The following CTBP1 variants were observed in gnomAD, a reference collection of about 807,000 sequenced individuals.
The protein encoded by CTBP1 is C-terminal-binding protein 1.
In CTBP1, 11 loss-of-function variants were observed where a neutral mutation model predicts 42.1. The ratio of observed to expected loss-of-function variants is 0.26; its 90% confidence interval spans 0.16 to 0.43. The LOEUF (loss-of-function observed/expected upper bound fraction) is 0.43, where lower values mean the gene tolerates loss of function less well. Among genes scored for constraint, CTBP1 ranks in the 20% least tolerant of loss-of-function variants. The probability of loss-of-function intolerance (pLI) is 1.00; values close to 1 mark genes in which losing one functional copy is unlikely to be tolerated. For missense variants in CTBP1, 399 were observed against 624.3 expected, an observed-to-expected ratio of 0.64 and a Z score of 3.85; for synonymous variants, 324 against 277.1, an observed-to-expected ratio of 1.17 and a Z score of -1.68.
intron 5 of CTBP1, chr4:1,218,077 T>A (rs1419264651): frequency 6.6e-6 from 1 of 152,066 alleles, no homozygotes; most frequent in Non-Finnish European, 1.5e-5. Context: ...GCAGATGGCA[T>A]CCAAACAGAA....
chr4:1,242,559 T>C, intron 1 of CTBP1: 2 of 985,320 alleles, frequency 2.0e-6, no homozygotes, highest in South Asian at 4.7e-5. Flanking sequence ...ATGCCGACCA[T>C]CTCCAGCTTC....
chr4:1,248,240 G>A (rs1189467445), intron 1 of CTBP1, among the ~76,000 whole-genome samples: 2 of 151,886 alleles, frequency 1.3e-5, no homozygotes, highest in African/African-American at 4.8e-5. Context: ...AGGTGGGGGC[G>A]CTGGGCCGGT....
chr4:1,224,047 C>T (rs948158254), intron 5 of CTBP1, among the ~76,000 whole-genome samples: 5 of 152,176 alleles, frequency 3.3e-5, no homozygotes, highest in Non-Finnish European at 7.4e-5. Flanking sequence ...CGGAGGAAGC[C>T]CACGGCTGCC....
chr4:1,250,302 C>T (rs1485454393), upstream of CTBP1: 1 of 245,950 alleles, frequency 4.1e-6, no homozygotes, highest in African/African-American at 2.2e-5. Flanking sequence ...GTGCCACGTT[C>T]TGTTCTAAGA....
At chr4:1,229,320 T>C (rs1730720673) in intron 3 of CTBP1, among the ~76,000 whole-genome samples, 1 of 152,182 alleles carries the variant, frequency 6.6e-6, no homozygotes, top group South Asian at 2.1e-4. Context: ...CACACGTCCA[T>C]CCCACACTCC....
chr4:1,224,367 T>C (rs538920184), intron 5 of CTBP1, among the ~76,000 whole-genome samples: 1 of 151,194 alleles, frequency 6.6e-6, no homozygotes, highest in South Asian at 2.1e-4. Context: ...TGTGCTGTGA[T>C]GTCCGTGTGA....
At position 1,211,965 on chromosome 4, in the gene CTBP1, G is replaced by A. The variant is rs1043403735; in HGVS notation, c.*275C>T. 6 of 302,312 alleles carry A rather than the reference G, an allele frequency of 2.0e-5. No homozygotes were observed. The highest frequency in any genetic ancestry group is 1.3e-4 in the African/African-American group (6 of 46,024). 18.7% of individuals were successfully genotyped at this position (302,312 alleles called of 1,614,324 possible). A position where few individuals can be genotyped will look rare whatever the true frequency, so the allele number is the denominator to read the frequency against. On this transcript the variant is annotated 3_prime_UTR_variant, in exon 10 of 10. Transcript: ENST00000382952. ...GCTAAGCAAACAGATCCTTTGTAAT[G>A]TTCTAAAAACTGTACACAGACAAGA...
intron 1 of CTBP1, chr4:1,245,359 C>T: frequency 2.0e-6 from 2 of 985,418 alleles, no homozygotes; most frequent in Non-Finnish European, 2.4e-6. Flanking sequence ...CTGTGAGCTC[C>T]AGGAACCCCC....
intron 2 of CTBP1, among the ~76,000 whole-genome samples, chr4:1,241,091 TG>T: frequency 6.6e-6 from 1 of 152,296 alleles, no homozygotes; most frequent in Admixed American, 6.5e-5. Context: ...AGACAGCAGA[TG>T]CCACGGACAG....
rs1177663055 is a variant in CTBP1 at position 1,249,090 on chromosome 4, T to G, written c.-363A>C. ...CGCCTGGCCGCCGCCGTGCCGAGTC[T>G]CCGCCGCGCCGCTGAGCCGCGCTCC... On this transcript the variant is annotated 5_prime_UTR_variant, in exon 1 of 10. Coordinates refer to ENST00000382952, the MANE Select transcript of CTBP1 (RefSeq NM_001012614.2). 3 of 251,536 alleles carry G rather than the reference T, an allele frequency of 1.2e-5. No homozygotes were observed. The highest frequency in any genetic ancestry group is 1.8e-5 in the Non-Finnish European group (3 of 163,732). The allele number at this position is 251,536 out of a possible 1,614,324, so 15.6% of individuals were successfully genotyped here. A position where few individuals can be genotyped will look rare whatever the true frequency, so the allele number is the denominator to read the frequency against.
chr4:1,219,306 C>T (rs1210600831), intron 5 of CTBP1, among the ~76,000 whole-genome samples: 4 of 152,142 alleles, frequency 2.6e-5, no homozygotes, highest in African/African-American at 7.2e-5. Context: ...GAGCCGTGAC[C>T]GCACCACCAC....
At chr4:1,225,189 C>T (rs1431832357) in intron 5 of CTBP1, among the ~76,000 whole-genome samples, 171 bp downstream of exon 5, 3 of 152,224 alleles carry the variant, frequency 2.0e-5, no homozygotes, top group Non-Finnish European at 2.9e-5. Context: ...GTAGGGCACA[C>T]GCCTGGGACT....
chr4:1,239,848 C>T (rs948929587), intron 2 of CTBP1, among the ~76,000 whole-genome samples: 1 of 152,254 alleles, frequency 6.6e-6, no homozygotes, highest in African/African-American at 2.4e-5. Context: ...AAACCGCGTC[C>T]TGGTTCGCCT....
rs1383902748 is a variant in CTBP1 at position 1,225,390 on chromosome 4, G to A, written c.484C>T (p.Arg162Cys). Residue 162 changes from arginine (R) to cysteine (C), a missense_variant, in exon 5 of 10, where the codon CGC becomes TGC. Transcript: ENST00000382952. ...REVASGAARI[R>C]GETLGIIGLG... The stretch of plus-strand genomic sequence containing the variant: ...CCGATGATGCCCAAGGTCTCCCCGC[G>A]GATCCTGGCAGCGCCGGACGCCACC... 1.0e-5 allele frequency: 16 copies of A among 1,567,168 alleles called. No individual in the cohort carries two copies. The highest frequency in any genetic ancestry group is 1.3e-5 in the Non-Finnish European group (15 of 1,161,098).
chr4:1,215,800 G>A (rs1019142230), intron 6 of CTBP1, 191 bp downstream of exon 6: 9 of 617,482 alleles, frequency 1.5e-5, no homozygotes, highest in Non-Finnish European at 2.6e-5. Flanking sequence ...GTCCTGAGTA[G>A]AACTCAGAAC....
rs1553851068 is a variant in CTBP1, at chr4:1,244,354, T to TC, written c.-188-2836_-188-2835insG. 6.2e-6 allele frequency: 6 copies of TC among 961,834 alleles called. No individual in the cohort carries two copies. In the African/African-American group the frequency reaches 7.4e-5, roughly 12 times the overall value. The allele number at this position is 961,834 out of a possible 1,614,324, so 59.6% of individuals were successfully genotyped here. A position where few individuals can be genotyped will look rare whatever the true frequency, so the allele number is the denominator to read the frequency against. On this transcript the variant is annotated intron_variant, in intron 1 of 9. Transcript: ENST00000382952. ...ACAGCCACAGTGGGTCTCTGGGCAC[T>TC]GGGGGGGGGGTGTTCCAGGAAGTCC...
intron 1 of CTBP1, chr4:1,245,078 C>G (rs1357394581): frequency 3.0e-6 from 3 of 983,978 alleles, no homozygotes; most frequent in Non-Finnish European, 3.6e-6. Context: ...CAAGGCCCGT[C>G]ACCCACAGGT....
At chr4:1,246,555 T>A (rs1350425428) in intron 1 of CTBP1, among the ~76,000 whole-genome samples, 4 of 152,226 alleles carry the variant, frequency 2.6e-5, no homozygotes, top group Non-Finnish European at 5.9e-5. Context: ...GGGCACAAAG[T>A]GCTGCCTGAA....
At chr4:1,241,639 T>A (rs1353351475) in intron 1 of CTBP1, 120 bp from the exon 2 acceptor site, 2 of 1,378,420 alleles carry the variant, frequency 1.5e-6, no homozygotes, top group African/African-American at 1.4e-5. Context: ...GGGACTGCTG[T>A]CTGGGACCTA....
Sources: allele counts gnomAD v4.1 joint callset (sites outside exome capture counted in the v4.1 genomes callset), GRCh38; gene constraint gnomAD v4.1.1; transcripts MANE v1.5; gene names NCBI Gene and HGNC (gene_info 2026-07-23, HGNC 2026-07-21).